AFF2: variants seen among roughly 807,000 people sequenced by gnomAD.
The protein encoded by AFF2 is ALF transcription elongation factor 2.
AFF2 carries 14 observed loss-of-function variants against 76.9 expected under a neutral mutation model. The ratio of observed to expected loss-of-function variants is 0.18; its 90% CI spans 0.12 to 0.28. AFF2 has a LOEUF of 0.28. AFF2 is among the 10% of genes least tolerant of loss of function. The probability of loss-of-function intolerance (pLI) is 1.00; values close to 1 mark genes in which losing one functional copy is unlikely to be tolerated. For synonymous variants in AFF2, 398 were observed against 366.7 expected (o/e 1.09, Z -0.98); for missense variants, 868 against 1,001.1 (o/e 0.87, Z 1.79).
In AFF2 at chrX:148,999,728, T is replaced by G. The variant is rs1557293976; in HGVS notation, c.*8396T>G. 8.9e-6 allele frequency: 1 copy of G among 112,704 alleles called. No homozygotes were observed. The highest frequency in any genetic ancestry group is 1.9e-5 in the Non-Finnish European group (1 of 53,342). The allele number at this position is 112,704 out of a possible 1,213,427, so 9.3% of individuals were successfully genotyped here. On this transcript the variant is annotated 3_prime_UTR_variant, in exon 21 of 21. Transcript: ENST00000370460. The stretch of plus-strand genomic sequence containing the variant: ...ACAGTTCCAGGAGGCCCTGGTTACA[T>G]TACTATATGAAGGCAGTGATTTGAA...
intron 7 of AFF2, among the ~76,000 whole-genome samples, chrX:148,863,869 T>C (rs1178942651): frequency 1.8e-5 from 2 of 111,849 alleles, no homozygotes; most frequent in African/African-American, 6.5e-5. Flanking sequence ...AATTAAATTC[T>C]TAGAAGTCAG....
At chrX:148,653,594 T>A (rs1557256672) in intron 2 of AFF2, among the ~76,000 whole-genome samples, 2 of 111,149 alleles carry the variant, frequency 1.8e-5, no homozygotes, top group African/African-American at 6.6e-5. Context: ...AAATGAACAG[T>A]TTAGAATGAT....
chrX:148,978,015 T>A lies in AFF2; in HGVS notation c.3476+11T>A. On this transcript the variant is annotated intron_variant, in intron 17 of 20. Transcript: ENST00000370460. Reference sequence around the variant, plus strand: ...GCTAGCAGTACTATGGTGAGTCCCATGGAGGCCACAAGGAAATTGCTGAAA... The same window carrying A: ...GCTAGCAGTACTATGGTGAGTCCCAAGGAGGCCACAAGGAAATTGCTGAAA... 1 of 1,171,374 alleles carries A rather than the reference T, an allele frequency of 8.5e-7. No individual in the cohort carries two copies.
intron 3 of AFF2, among the ~76,000 whole-genome samples, chrX:148,721,732 G>A (rs1469818933): frequency 8.9e-6 from 1 of 112,224 alleles, no homozygotes; most frequent in Non-Finnish European, 1.9e-5. Flanking sequence ...TTGTCTCATA[G>A]TTCTGGAGAC....
chrX:148,973,224 G>A (rs937615318), intron 15 of AFF2, among the ~76,000 whole-genome samples: 1 of 111,686 alleles, frequency 9.0e-6, no homozygotes, highest in Admixed American at 9.5e-5. Flanking sequence ...GGGCACTGCT[G>A]ACATTTTGGG....
At chrX:148,979,563 G>T (rs2124415316) in intron 18 of AFF2, among the ~76,000 whole-genome samples, 1 of 112,076 alleles carries the variant, frequency 8.9e-6, no homozygotes, top group East Asian at 2.8e-4. Context: ...GATTCTGTAG[G>T]TCTGAGGTAT....
intron 19 of AFF2, among the ~76,000 whole-genome samples, chrX:148,982,038 C>T (rs1441148518): frequency 2.7e-5 from 3 of 111,723 alleles, no homozygotes; most frequent in South Asian, 3.7e-4. Flanking sequence ...TAAAAATAAC[C>T]GGAGAAAGGC....
intron 2 of AFF2, among the ~76,000 whole-genome samples, chrX:148,653,830 T>G (rs187880916): frequency 1.4e-3 from 156 of 111,898 alleles, no homozygotes; most frequent in African/African-American, 4.9e-3. Context: ...GAACAAGTTT[T>G]GTTCAGGAGG....
chrX:148,703,979 T>G (rs1411892260), intron 3 of AFF2, among the ~76,000 whole-genome samples: 1 of 107,882 alleles, frequency 9.3e-6, no homozygotes, highest in Non-Finnish European at 1.9e-5. Flanking sequence ...AGCCTTGACG[T>G]GGACTTCCTG....
intron 19 of AFF2, among the ~76,000 whole-genome samples, chrX:148,985,966 A>G (rs2072466194): frequency 9.1e-6 from 1 of 110,268 alleles, no homozygotes; most frequent in Non-Finnish European, 1.9e-5. Context: ...TCCCAGATCT[A>G]GTCAGCAGCA....
intron 1 of AFF2, among the ~76,000 whole-genome samples, chrX:148,573,365 G>A (rs782120925): frequency 9.0e-6 from 1 of 111,297 alleles, no homozygotes; most frequent in African/African-American, 3.3e-5. Context: ...TCTTGGGGTG[G>A]CTAAAAGCCT....
chrX:148,639,039 GT>G (rs1379980495), intron 1 of AFF2, among the ~76,000 whole-genome samples: 1 of 111,867 alleles, frequency 8.9e-6, no homozygotes, highest in African/African-American at 3.3e-5. Context: ...TCATATTCTG[GT>G]TTTGCCCTGC....
chrX:148,932,406 C>T (rs781959643), intron 9 of AFF2, among the ~76,000 whole-genome samples: 2 of 111,875 alleles, frequency 1.8e-5, no homozygotes, highest in Non-Finnish European at 1.9e-5. Flanking sequence ...TTCCCTTTTG[C>T]ATAATAGGAA....
chrX:148,544,982 C>A (rs2052903049), intron 1 of AFF2, among the ~76,000 whole-genome samples: 1 of 112,585 alleles, frequency 8.9e-6, no homozygotes, highest in Non-Finnish European at 1.9e-5. Context: ...TCAACCTTTA[C>A]TAATTTCTTC....
At chrX:148,732,316 T>C (rs2055230654) in intron 3 of AFF2, among the ~76,000 whole-genome samples, 1 of 98,267 alleles carries the variant, frequency 1.0e-5, no homozygotes, top group South Asian at 5.2e-4. Flanking sequence ...CAGTAAACTA[T>C]CGCAAGAACA....
intron 3 of AFF2, among the ~76,000 whole-genome samples, chrX:148,720,814 A>G (rs1374661917): frequency 8.9e-6 from 1 of 112,161 alleles, no homozygotes; most frequent in African/African-American, 3.2e-5. Context: ...TTGCTTTCCA[A>G]GGCAAGTCCT....
intron 3 of AFF2, among the ~76,000 whole-genome samples, chrX:148,680,556 T>C (rs999168600): frequency 2.7e-5 from 3 of 111,509 alleles, no homozygotes; most frequent in African/African-American, 9.8e-5. Context: ...AAAAATCAAC[T>C]TCGTTTGACC....
chrX:148,542,393 T>C (rs2052868948), intron 1 of AFF2, among the ~76,000 whole-genome samples: 1 of 110,566 alleles, frequency 9.0e-6, no homozygotes, highest in Admixed American at 9.8e-5. Context: ...ATCCTTGCCA[T>C]GCTAAGAAAA....
At chrX:148,883,181 A>G (rs1557278686) in intron 7 of AFF2, among the ~76,000 whole-genome samples, 1 of 111,829 alleles carries the variant, frequency 8.9e-6, no homozygotes, top group Non-Finnish European at 1.9e-5. Context: ...GAGAAACCGG[A>G]AGACCACAAG....
Sources: allele counts gnomAD v4.1 joint callset (sites outside exome capture counted in the v4.1 genomes callset), GRCh38; gene constraint gnomAD v4.1.1; transcripts MANE v1.5; gene names NCBI Gene and HGNC (gene_info 2026-07-23, HGNC 2026-07-21).